The following OCIAD1 variants were observed in gnomAD, a reference collection of about 807,000 sequenced individuals.
OCIAD1 encodes the protein OCIA domain containing 1.
In OCIAD1, 29 loss-of-function variants were observed where a neutral mutation model predicts 38.9. The observed-to-expected ratio is 0.74, with a 90% CI of 0.55 to 1.02. The LOEUF (loss-of-function observed/expected upper bound fraction) is 1.02, where lower values mean the gene tolerates loss of function less well. OCIAD1 is among the 50% of genes least tolerant of loss of function. The pLI is 0.00. For missense variants in OCIAD1, 288 were observed against 289.6 expected, an observed-to-expected ratio of 0.99 and a Z score of 0.04; for synonymous variants, 110 against 92.0, an observed-to-expected ratio of 1.20 and a Z score of -1.12.
exon 1 of OCIAD1, chr4:48,805,303 C>A (rs1256808917): frequency 6.6e-6 from 1 of 152,204 alleles, no homozygotes; most frequent in Non-Finnish European, 1.5e-5. Flanking sequence ...ATGACTGTAA[C>A]CCCAGCCTAC....
intron 4 of OCIAD1, among the ~76,000 whole-genome samples, chr4:48,846,476 C>T (rs1264503941): frequency 1.3e-5 from 2 of 152,120 alleles, no homozygotes; most frequent in Admixed American, 6.5e-5. Flanking sequence ...TGGCCGGGTA[C>T]GGTGGCTCAT....
At chr4:48,807,765 G>C (rs1010640131) in intron 1 of OCIAD1, among the ~76,000 whole-genome samples, 2 of 152,170 alleles carry the variant, frequency 1.3e-5, no homozygotes, top group African/African-American at 4.8e-5. Flanking sequence ...AGGGGCTCCA[G>C]AGAATCTGTA....
At chr4:48,857,864 G>A in intron 8 of OCIAD1, among the ~76,000 whole-genome samples, 1 of 152,090 alleles carries the variant, frequency 6.6e-6, no homozygotes, top group Non-Finnish European at 1.5e-5. Context: ...AGAAAATAAT[G>A]AAGTCAAGGC....
intron 4 of OCIAD1, among the ~76,000 whole-genome samples, chr4:48,845,931 C>CAAA (rs1429181675): frequency 2.0e-5 from 3 of 152,194 alleles, no homozygotes; most frequent in Non-Finnish European, 4.4e-5. Context: ...TGTTTGTTTC[C>CAAA]ATTCTTGCTA....
rs17656763 is a variant in OCIAD1 at position 48,861,245 on chromosome 4, G to A, written c.*483G>A. On this transcript the variant is annotated 3_prime_UTR_variant, in exon 9 of 9. Coordinates refer to ENST00000264312, the MANE Select transcript of OCIAD1 (RefSeq NM_017830.4). ...TGGCAAATAAAATGTAAAGGAACAT[G>A]CAACAGCCCTCATCTTCCTTGATTT... The A allele has an allele frequency of 0.022, 3,295 of 152,898 alleles. 41 individuals carry two copies. Among genetic ancestry groups the A allele is most frequent in the Middle Eastern group, 0.037 (11 of 298 alleles). The allele number at this position is 152,898 out of a possible 1,614,324, so 9.5% of individuals were successfully genotyped here.
chr4:48,831,240 T>G lies in OCIAD1; in HGVS notation c.-15T>G. On this transcript the variant is annotated 5_prime_UTR_variant, in exon 1 of 9. Transcript: ENST00000264312. ...TTTTCCTTGCAGTCGCCTGCTGCTG[T>G]CGTCGGGAGGTGGGTGAGGTGACGC... 1 of 342,276 alleles carries G rather than the reference T, an allele frequency of 2.9e-6. No individual in the cohort carries two copies. Among genetic ancestry groups the G allele is most frequent in the Non-Finnish European group, 5.8e-6 (1 of 171,392 alleles). 21.2% of individuals were successfully genotyped at this position (342,276 alleles called of 1,614,324 possible).
chr4:48,860,521 T>C (rs1780506208), intron 8 of OCIAD1, among the ~76,000 whole-genome samples: 1 of 152,198 alleles, frequency 6.6e-6, no homozygotes, highest in African/African-American at 2.4e-5. Context: ...TAACTATTTA[T>C]GTAAAATTCT....
intron 6 of OCIAD1, 121 bp from the exon 7 acceptor site, chr4:48,851,685 A>C (rs1779485197): frequency 2.0e-6 from 1 of 489,900 alleles, no homozygotes; most frequent in Non-Finnish European, 3.5e-6. Context: ...CAAAAAAATA[A>C]AAAAAATTAT....
At chr4:48,852,046 C>CAGCAGAAAAGGTCATCAAA in intron 7 of OCIAD1, 71 bp downstream of exon 7, 1 of 1,127,306 alleles carries the variant, frequency 8.9e-7, no homozygotes, top group Non-Finnish European at 1.3e-6. Context: ...ATTTGATGAC[C>CAGCAGAAAAGGTCATCAAA]TTTTCTGCTG....
At chr4:48,843,539 A>G (rs1310893404) in intron 4 of OCIAD1, among the ~76,000 whole-genome samples, 1 of 152,176 alleles carries the variant, frequency 6.6e-6, no homozygotes, top group Non-Finnish European at 1.5e-5. Flanking sequence ...TTTGGAGGCA[A>G]ATGAGAGGAT....
intron 4 of OCIAD1, among the ~76,000 whole-genome samples, chr4:48,845,485 C>T (rs1342329638): frequency 6.6e-6 from 1 of 152,144 alleles, no homozygotes; most frequent in Non-Finnish European, 1.5e-5. Context: ...CTACCTCAGG[C>T]GATTCCTCTG....
intron 6 of OCIAD1, among the ~76,000 whole-genome samples, chr4:48,850,861 C>T (rs1258019148): frequency 1.1e-4 from 16 of 152,230 alleles, no homozygotes. Context: ...AGGCGTGAGC[C>T]ACTGCATCTG....
At chr4:48,839,723 C>A (rs1778355167) in intron 3 of OCIAD1, among the ~76,000 whole-genome samples, 1 of 151,860 alleles carries the variant, frequency 6.6e-6, no homozygotes, top group African/African-American at 2.4e-5. Flanking sequence ...CTTTTTGTTA[C>A]TGTGAGGGGA....
chr4:48,847,584 G>A lies in OCIAD1; in HGVS notation c.194-815G>A, dbSNP rs190284516. ...TAAGCCATCTGGATTATTGTTCGAT[G>A]TAGGATCAAGGTACATTTTCCCCTG... is the stretch of plus-strand genomic sequence containing the variant. On this transcript the variant is annotated intron_variant, in intron 4 of 8. Coordinates refer to ENST00000264312, the MANE Select transcript of OCIAD1 (RefSeq NM_017830.4). Among the ~76,000 whole-genome samples, 13 of 152,322 alleles carry A rather than the reference G, an allele frequency of 8.5e-5. No individual in the cohort carries two copies. In the East Asian group the frequency reaches 2.3e-3, roughly 27 times the overall value.
intron 3 of OCIAD1, among the ~76,000 whole-genome samples, chr4:48,840,249 GCTAA>G (rs1322142768): frequency 2.6e-5 from 4 of 152,208 alleles, no homozygotes; most frequent in African/African-American, 9.6e-5. Flanking sequence ...GAAATGGCCA[GCTAA>G]CTCATTGCCT....
chr4:48,838,708 G>A (rs1198863774), intron 3 of OCIAD1, among the ~76,000 whole-genome samples: 1 of 152,134 alleles, frequency 6.6e-6, no homozygotes, highest in Non-Finnish European at 1.5e-5. Context: ...GGTGATAAAA[G>A]CATTTACGAA....
chr4:48,807,270 C>T (rs554804081), intron 1 of OCIAD1, among the ~76,000 whole-genome samples: 10 of 151,234 alleles, frequency 6.6e-5, no homozygotes, highest in East Asian at 1.9e-4. Flanking sequence ...TAGTGAGCTA[C>T]GATTGAGCCA....
intron 1 of OCIAD1, among the ~76,000 whole-genome samples, chr4:48,819,318 A>G (rs1456546922): frequency 6.6e-6 from 1 of 152,186 alleles, no homozygotes; most frequent in Non-Finnish European, 1.5e-5. Context: ...GAAAAGGAGT[A>G]ACAAAATCCT....
intron 8 of OCIAD1, 98 bp from the exon 9 acceptor site, chr4:48,860,625 TGA>T: frequency 1.1e-6 from 1 of 925,586 alleles, no homozygotes. Context: ...TTTATTCAAA[TGA>T]GAGAGAAACA....
Sources: allele counts gnomAD v4.1 joint callset (sites outside exome capture counted in the v4.1 genomes callset), GRCh38; gene constraint gnomAD v4.1.1; transcripts MANE v1.5; gene names NCBI Gene and HGNC (gene_info 2026-07-23, HGNC 2026-07-21).